Variants in ADAMTSL1 observed in about 807,000 individuals in gnomAD.
The protein encoded by ADAMTSL1 is ADAMTS like 1.
A neutral mutation model predicts 201.8 loss-of-function variants in ADAMTSL1; 126 were observed. That is an observed-to-expected ratio of 0.62 (90% CI 0.54 to 0.72). ADAMTSL1 has a LOEUF of 0.72. ADAMTSL1 is among the 30% of genes least tolerant of loss of function. The probability of loss-of-function intolerance (pLI) is 0.00; values close to 1 mark genes in which losing one functional copy is unlikely to be tolerated. For synonymous variants in ADAMTSL1, 1,121 were observed against 903.4 expected (o/e 1.24, Z -4.32); for missense variants, 2,679 against 2,277.8 (o/e 1.18, Z -3.59).
intron 21 of ADAMTSL1, 25 bp downstream of exon 21, chr9:18,817,262 C>A: frequency 6.5e-7 from 1 of 1,548,890 alleles, no homozygotes; most frequent in South Asian, 1.2e-5. Flanking sequence ...TTCATTTGTT[C>A]ACACGTTAAT....
chr9:18,900,877 A>G (rs962442203), intron 26 of ADAMTSL1, among the ~76,000 whole-genome samples: 3 of 152,210 alleles, frequency 2.0e-5, no homozygotes, highest in Non-Finnish European at 2.9e-5. Flanking sequence ...GCAAACCACC[A>G]TGGCACAAAT....
At chr9:18,481,056 C>T (rs562173793) in intron 1 of ADAMTSL1, among the ~76,000 whole-genome samples, 41 of 152,278 alleles carry the variant, frequency 2.7e-4, no homozygotes, top group African/African-American at 9.4e-4. Flanking sequence ...CAGGGTGCAA[C>T]ACTGAAACTG....
intron 1 of ADAMTSL1, among the ~76,000 whole-genome samples, chr9:18,068,152 C>T (rs1822792984): frequency 6.6e-6 from 1 of 152,030 alleles, no homozygotes; most frequent in African/African-American, 2.4e-5. Flanking sequence ...AAAGGGCTGG[C>T]CCACCCCACC....
chr9:17,940,207 T>A (rs1302076094), intron 1 of ADAMTSL1, among the ~76,000 whole-genome samples: 1 of 152,154 alleles, frequency 6.6e-6, no homozygotes, highest in Non-Finnish European at 1.5e-5. Context: ...TGTTTTAGCA[T>A]AATGAAATGA....
intron 2 of ADAMTSL1, among the ~76,000 whole-genome samples, chr9:18,271,082 G>A (rs963708337): frequency 7.2e-5 from 11 of 151,996 alleles, no homozygotes; most frequent in Non-Finnish European, 1.5e-5. Flanking sequence ...TGTAAACAGT[G>A]GAATTTGGGA....
chr9:18,246,501 A>T (rs1831263387), intron 2 of ADAMTSL1, among the ~76,000 whole-genome samples: 1 of 152,222 alleles, frequency 6.6e-6, no homozygotes, highest in Non-Finnish European at 1.5e-5. Flanking sequence ...AAGGATAATA[A>T]TAATAGTTAT....
chr9:18,453,618 A>C (rs1484134641), intron 2 of ADAMTSL1, among the ~76,000 whole-genome samples: 2 of 152,160 alleles, frequency 1.3e-5, no homozygotes, highest in African/African-American at 4.8e-5. Context: ...AAAATTAGCC[A>C]CACAGCTCCC....
intron 1 of ADAMTSL1, among the ~76,000 whole-genome samples, chr9:18,032,311 G>C (rs970137544): frequency 6.6e-6 from 1 of 152,196 alleles, no homozygotes; most frequent in East Asian, 1.9e-4. Context: ...ATACCCCTCA[G>C]GGTAGTGTGC....
intron 2 of ADAMTSL1, among the ~76,000 whole-genome samples, chr9:18,451,914 TC>T (rs752017358): frequency 8.5e-5 from 13 of 152,222 alleles, no homozygotes; most frequent in Non-Finnish European, 1.8e-4. Context: ...AGGTCCAAGC[TC>T]CCCCTTTTCT....
chr9:18,186,506 C>A (rs1828740866), intron 2 of ADAMTSL1, among the ~76,000 whole-genome samples: 1 of 152,076 alleles, frequency 6.6e-6, no homozygotes, highest in Non-Finnish European at 1.5e-5. Context: ...CCTGAGACTT[C>A]ATTTTGCCGA....
At chr9:18,896,072 G>C (rs1829618420) in intron 26 of ADAMTSL1, among the ~76,000 whole-genome samples, 1 of 152,096 alleles carries the variant, frequency 6.6e-6, no homozygotes, top group Non-Finnish European at 1.5e-5. Flanking sequence ...TAAACAAACA[G>C]AGTCTAAAAG....
chr9:18,726,772 A>G (rs1241912978), intron 15 of ADAMTSL1, among the ~76,000 whole-genome samples: 2 of 152,236 alleles, frequency 1.3e-5, no homozygotes. Context: ...TTGTTCTAAC[A>G]TACTTTTTAA....
At chr9:18,096,707 T>TATG (rs1414161752) in intron 1 of ADAMTSL1, among the ~76,000 whole-genome samples, 1 of 152,224 alleles carries the variant, frequency 6.6e-6, no homozygotes, top group Non-Finnish European at 1.5e-5. Flanking sequence ...GACAAATGTA[T>TATG]ATGTTGTATC....
intron 1 of ADAMTSL1, among the ~76,000 whole-genome samples, chr9:17,923,147 C>T (rs1364461706): frequency 6.6e-6 from 1 of 151,698 alleles, no homozygotes; most frequent in African/African-American, 2.4e-5. Context: ...TCCATATGAA[C>T]TTTAAAGTAG....
intron 1 of ADAMTSL1, among the ~76,000 whole-genome samples, chr9:18,045,840 G>C (rs1260427481): frequency 6.6e-6 from 1 of 151,944 alleles, no homozygotes; most frequent in African/African-American, 2.4e-5. Flanking sequence ...ACACAACAAA[G>C]TTCCAATATA....
At position 18,639,272 on chromosome 9, in the gene ADAMTSL1, T is replaced by A. The variant is rs772330614; in HGVS notation, c.695T>A (p.Leu232His). ...PDHLYLETKT[L>H]QGTKGENSLS... ...CATATAGATCTGGAAACCAAAACCC[T>A]CCAGGGGACTAAAGGTGAAAACAGT... The change falls in exon 7 of 29, where the codon CTC (leucine) becomes CAC (histidine). Residue 232 changes from leucine (L) to histidine (H), a missense_variant. Physicochemically the swap from Leu to His is moderately conservative, Grantham distance 99. Coordinates refer to ENST00000380548, the MANE Select transcript of ADAMTSL1 (RefSeq NM_001040272.6). The A allele has an allele frequency of 3.1e-6, 5 of 1,612,668 alleles. No individual in the cohort carries two copies. In the South Asian group the frequency reaches 5.5e-5, roughly 18 times the overall value.
intron 2 of ADAMTSL1, among the ~76,000 whole-genome samples, chr9:18,418,575 T>A (rs1207316774): frequency 6.6e-6 from 1 of 152,038 alleles, no homozygotes; most frequent in African/African-American, 2.4e-5. Flanking sequence ...TAAATGAAAT[T>A]AAAAACCAAT....
chr9:18,037,256 A>G (rs1010804079), intron 1 of ADAMTSL1, among the ~76,000 whole-genome samples: 4 of 152,162 alleles, frequency 2.6e-5, no homozygotes, highest in African/African-American at 9.7e-5. Flanking sequence ...CTTTAATTTG[A>G]TCCTTGCATG....
At chr9:18,748,942 T>C (rs1333579518) in intron 15 of ADAMTSL1, among the ~76,000 whole-genome samples, 1 of 152,208 alleles carries the variant, frequency 6.6e-6, no homozygotes, top group Non-Finnish European at 1.5e-5. Context: ...TTGCTTCCTC[T>C]ACTTTCTGGT....
Sources: allele counts gnomAD v4.1 joint callset (sites outside exome capture counted in the v4.1 genomes callset), GRCh38; gene constraint gnomAD v4.1.1; transcripts MANE v1.5; gene names NCBI Gene and HGNC (gene_info 2026-07-23, HGNC 2026-07-21).